The following BMP5 variants were observed in gnomAD, a reference collection of about 807,000 sequenced individuals.
BMP5 encodes bone morphogenetic protein 5.
A neutral mutation model predicts 46.6 loss-of-function variants in BMP5; 23 were observed. That is an observed-to-expected ratio of 0.49 (90% confidence interval 0.35 to 0.70). BMP5 has a LOEUF of 0.70. BMP5 is among the 30% of genes least tolerant of loss of function. BMP5 has a pLI of 0.00. For missense variants in BMP5, 545 were observed against 565.6 expected (o/e 0.96, Z 0.37); for synonymous variants, 204 against 191.9 (o/e 1.06, Z -0.52).
intron 4 of BMP5, among the ~76,000 whole-genome samples, chr6:55,773,705 T>C (rs1454543566): frequency 2.0e-5 from 3 of 152,042 alleles, no homozygotes; most frequent in Non-Finnish European, 4.4e-5. Context: ...ATTTACCTGG[T>C]TGACCATCCA....
At chr6:55,851,646 C>T (rs1777246394) in intron 1 of BMP5, among the ~76,000 whole-genome samples, 1 of 152,090 alleles carries the variant, frequency 6.6e-6, no homozygotes, top group Non-Finnish European at 1.5e-5. Flanking sequence ...AACTTTATAG[C>T]ATGATTTAGG....
intron 1 of BMP5, among the ~76,000 whole-genome samples, chr6:55,828,844 C>A (rs1450034161): frequency 6.6e-6 from 1 of 151,662 alleles, no homozygotes; most frequent in Admixed American, 6.6e-5. Context: ...TGAAATCACC[C>A]ACTTTTAATT....
At chr6:55,798,980 GA>G (rs750611909) in intron 2 of BMP5, among the ~76,000 whole-genome samples, 1 of 152,170 alleles carries the variant, frequency 6.6e-6, no homozygotes, top group Non-Finnish European at 1.5e-5. Flanking sequence ...TAACTCAACC[GA>G]AGATGCTAAT....
At chr6:55,853,368 CTCTT>C (rs932471704) in intron 1 of BMP5, among the ~76,000 whole-genome samples, 3 of 148,074 alleles carry the variant, frequency 2.0e-5, no homozygotes, top group African/African-American at 5.0e-5. Flanking sequence ...CTCTCTGACT[CTCTT>C]TCCTTAATAG....
At chr6:55,789,738 A>G (rs1406737022) in intron 3 of BMP5, among the ~76,000 whole-genome samples, 6 of 152,098 alleles carry the variant, frequency 3.9e-5, no homozygotes, top group Admixed American at 1.3e-4. Flanking sequence ...ATTTTGTAAA[A>G]TTGGATATAA....
chr6:55,821,832 A>G (rs1554183870), intron 1 of BMP5, among the ~76,000 whole-genome samples: 1 of 152,130 alleles, frequency 6.6e-6, no homozygotes, highest in Non-Finnish European at 1.5e-5. Context: ...CCTGCTACCT[A>G]AGTAGCTAGT....
chr6:55,837,368 T>C (rs546269779), intron 1 of BMP5, among the ~76,000 whole-genome samples: 1 of 145,018 alleles, frequency 6.9e-6, no homozygotes, highest in Non-Finnish European at 1.5e-5. Flanking sequence ...GATAGATAGA[T>C]AGATAGATAG....
At position 55,816,906 on chromosome 6, in the gene BMP5, AAAAC is replaced by A. The variant is rs376325847; in HGVS notation, c.683+2745_683+2748del. On this transcript the variant is annotated intron_variant, in intron 2 of 6. Coordinates refer to ENST00000370830, the MANE Select transcript of BMP5 (RefSeq NM_021073.4). ...AGAACGCAAACAAATTTACAAGAAAAAAACAAACAACTCTATCAACAAGTGGGCG... is the reference window on the plus strand; with the variant it reads ...AGAACGCAAACAAATTTACAAGAAAAAAACAACTCTATCAACAAGTGGGCG... 3.7e-3 allele frequency among the ~76,000 whole-genome samples: 569 copies of A among 152,294 alleles called. 3 individuals are homozygous for A. Among genetic ancestry groups the A allele is most frequent in the Middle Eastern group, 0.017 (5 of 294 alleles).
chr6:55,805,260 T>G (rs1247184647), intron 2 of BMP5, among the ~76,000 whole-genome samples: 1 of 152,130 alleles, frequency 6.6e-6, no homozygotes, highest in African/African-American at 2.4e-5. Flanking sequence ...TTACTTTAGG[T>G]TCCGGGATAC....
chr6:55,818,720 A>T (rs1776336626), intron 2 of BMP5, among the ~76,000 whole-genome samples: 1 of 152,176 alleles, frequency 6.6e-6, no homozygotes, highest in African/African-American at 2.4e-5. Context: ...ACCAAGACAA[A>T]TCTAAACATC....
chr6:55,783,716 A>T (rs1582061716), intron 3 of BMP5, among the ~76,000 whole-genome samples: 1 of 151,952 alleles, frequency 6.6e-6, no homozygotes, highest in Admixed American at 6.6e-5. Context: ...TACCCCACAG[A>T]TCATCAGTTT....
chr6:55,818,777 A>G (rs1776337865), intron 2 of BMP5, among the ~76,000 whole-genome samples: 1 of 152,230 alleles, frequency 6.6e-6, no homozygotes, highest in Non-Finnish European at 1.5e-5. Context: ...ACCTTACAGG[A>G]GACAGGATAG....
intron 1 of BMP5, among the ~76,000 whole-genome samples, chr6:55,866,155 A>G (rs1479242975): frequency 1.3e-5 from 2 of 152,178 alleles, no homozygotes; most frequent in Non-Finnish European, 2.9e-5. Flanking sequence ...TAATAATTAT[A>G]TAAGTGAAAT....
chr6:55,802,632 C>T lies in BMP5; in HGVS notation c.684-8205G>A, dbSNP rs369689180. Among the ~76,000 whole-genome samples, 76 of 151,900 alleles carry T rather than the reference C, an allele frequency of 5.0e-4. No homozygotes were observed. In the South Asian group the frequency reaches 0.015, roughly 31 times the overall value. On this transcript the variant is annotated intron_variant, in intron 2 of 6. Coordinates refer to ENST00000370830, the MANE Select transcript of BMP5 (RefSeq NM_021073.4). ...AAAAGAAGGAAATTATAAATACCAA[C>T]TGCAACCATGTGACTAGCTGCAGAA...
At chr6:55,853,217 TAA>T (rs1777297911) in intron 1 of BMP5, among the ~76,000 whole-genome samples, 1 of 115,870 alleles carries the variant, frequency 8.6e-6, no homozygotes, top group Non-Finnish European at 2.0e-5. Context: ...TAAAATAAAA[TAA>T]GATAAAATAC....
chr6:55,776,292 C>A (rs1562032294), intron 3 of BMP5, among the ~76,000 whole-genome samples: 4 of 151,896 alleles, frequency 2.6e-5, no homozygotes, highest in Admixed American at 2.6e-4. Context: ...CTCCTTCTGG[C>A]AGCCCTTTCA....
At chr6:55,851,559 A>G (rs963539325) in intron 1 of BMP5, among the ~76,000 whole-genome samples, 5 of 152,190 alleles carry the variant, frequency 3.3e-5, no homozygotes, top group African/African-American at 7.2e-5. Flanking sequence ...GGAGAGAGGA[A>G]TAGGCAGTAG....
At chr6:55,780,050 T>C (rs1467770631) in intron 3 of BMP5, among the ~76,000 whole-genome samples, 1 of 151,994 alleles carries the variant, frequency 6.6e-6, no homozygotes, top group Non-Finnish European at 1.5e-5. Flanking sequence ...GACTTTTCTC[T>C]TCTCTTCTTT....
At chr6:55,871,645 A>C (rs1777790088) in intron 1 of BMP5, among the ~76,000 whole-genome samples, 1 of 151,872 alleles carries the variant, frequency 6.6e-6, no homozygotes, top group Admixed American at 6.6e-5. Flanking sequence ...AGTTTGGATT[A>C]AGTTTAATTG....
Sources: allele counts gnomAD v4.1 joint callset (sites outside exome capture counted in the v4.1 genomes callset), GRCh38; gene constraint gnomAD v4.1.1; transcripts MANE v1.5; gene names NCBI Gene and HGNC (gene_info 2026-07-23, HGNC 2026-07-21).